The following LYRM4 variants were observed in gnomAD, a reference collection of about 807,000 sequenced individuals.
LYRM4 encodes the protein LYR motif containing 4.
Under a neutral mutation model 11.7 loss-of-function variants are expected in LYRM4, and 9 were observed. The observed-to-expected ratio is 0.77, with a 90% confidence interval of 0.46 to 1.34. LYRM4 has a LOEUF of 1.34. LYRM4 is among the 40% of genes most tolerant of loss of function. LYRM4 has a pLI of 0.00. For synonymous variants in LYRM4, 42 were observed against 40.4 expected, an observed-to-expected ratio of 1.04 and a Z score of -0.15; for missense variants, 133 against 112.5, an observed-to-expected ratio of 1.18 and a Z score of -0.82.
chr6:5,151,310 G>A lies in LYRM4; in HGVS notation c.208-41819C>T, dbSNP rs1013791328. ...ATGTTGGCCAGGATGGTCTCTATCT[G>A]TTGACCTCGTGATCTGCCTGCCTCA... On this transcript the variant is annotated intron_variant, in intron 2 of 2. Coordinates refer to ENST00000330636, the MANE Select transcript of LYRM4 (RefSeq NM_020408.6). Among the ~76,000 whole-genome samples, 4 of 152,094 alleles carry A rather than the reference G, an allele frequency of 2.6e-5. No homozygotes were observed. In the East Asian group the frequency reaches 5.8e-4, roughly 22 times the overall value.
intron 2 of LYRM4, among the ~76,000 whole-genome samples, chr6:5,167,903 A>G (rs1759182072): frequency 6.6e-6 from 1 of 151,664 alleles, no homozygotes; most frequent in Non-Finnish European, 1.5e-5. Flanking sequence ...ATCTTATACT[A>G]CCGGGAAAAG....
intron 1 of LYRM4, among the ~76,000 whole-genome samples, chr6:5,218,891 AAC>A (rs1465378802): frequency 6.6e-5 from 10 of 152,228 alleles, no homozygotes; most frequent in African/African-American, 2.4e-4. Context: ...CTATTTATAA[AAC>A]ACAGCATCAC....
At chr6:5,183,925 T>A (rs1760227352) in intron 2 of LYRM4, among the ~76,000 whole-genome samples, 1 of 152,274 alleles carries the variant, frequency 6.6e-6, no homozygotes, top group African/African-American at 2.4e-5. Flanking sequence ...GTTCTCACCA[T>A]AAACAAATGG....
intron 2 of LYRM4, among the ~76,000 whole-genome samples, chr6:5,158,529 T>A (rs1239472092): frequency 6.7e-6 from 1 of 149,372 alleles, no homozygotes; most frequent in Non-Finnish European, 1.5e-5. Flanking sequence ...CAGGCTGGAG[T>A]GCAGTGGTGC....
At position 5,158,569 on chromosome 6, in the gene LYRM4, T is replaced by C. The variant is rs547862207; in HGVS notation, c.208-49078A>G. Among the ~76,000 whole-genome samples, 18 of 151,926 alleles carry C rather than the reference T, an allele frequency of 1.2e-4. No individual in the cohort carries two copies. The South Asian group carries it at 3.5e-3, about 30-fold the overall frequency. ...ATAGCTTTCTGCAGCCTCAAACTCT[T>C]GGGCTTAAGCGATTCTCCCACTTCA... On this transcript the variant is annotated intron_variant, in intron 2 of 2. Coordinates refer to ENST00000330636, the MANE Select transcript of LYRM4 (RefSeq NM_020408.6).
chr6:5,138,116 G>A (rs1292183677), intron 2 of LYRM4, among the ~76,000 whole-genome samples: 1 of 152,138 alleles, frequency 6.6e-6, no homozygotes, highest in Non-Finnish European at 1.5e-5. Context: ...TAGACAAGGG[G>A]CACTGAGGAG....
intron 1 of LYRM4, among the ~76,000 whole-genome samples, chr6:5,221,313 C>T (rs1203743899): frequency 6.6e-6 from 1 of 152,232 alleles, no homozygotes; most frequent in Non-Finnish European, 1.5e-5. Flanking sequence ...CTAGTCCAGA[C>T]CTTCCTTCTG....
At chr6:5,049,628 A>G in the LYRM4 span, among the ~76,000 whole-genome samples, 1 of 152,126 alleles carries the variant, frequency 6.6e-6, no homozygotes, top group Non-Finnish European at 1.5e-5. Context: ...CTTGAGTGAG[A>G]AACTAAATTG....
At position 5,258,936 on chromosome 6, in the gene LYRM4, T is replaced by A. The variant is rs7748316; in HGVS notation, c.86+1712A>T. On this transcript the variant is annotated intron_variant, in intron 1 of 2. Coordinates refer to ENST00000330636, the MANE Select transcript of LYRM4 (RefSeq NM_020408.6). ...ATGATTTTCCTGTTCAGTTGGCAAT[T>A]ACTCATTTGAAAACGCTTGGGCCTC... 9.1e-3 allele frequency among the ~76,000 whole-genome samples: 1,389 copies of A among 152,332 alleles called. 16 individuals carry two copies. The highest frequency in any genetic ancestry group is 0.032 in the African/African-American group (1,321 of 41,564).
At chr6:5,256,455 C>A (rs6909619) in intron 1 of LYRM4, among the ~76,000 whole-genome samples, 26,351 of 105,224 alleles carry the variant, frequency 0.25, 5,512 homozygotes, top group African/African-American at 0.5. Context: ...GCACCATTGC[C>A]CTCCAGCCTG....
chr6:5,231,769 T>G (rs770925920), intron 1 of LYRM4, among the ~76,000 whole-genome samples: 2 of 152,208 alleles, frequency 1.3e-5, no homozygotes, highest in Non-Finnish European at 2.9e-5. Context: ...GGATAGTTAT[T>G]TTGATCGGAG....
the LYRM4 span, among the ~76,000 whole-genome samples, chr6:5,060,450 GT>G: frequency 6.6e-6 from 1 of 150,964 alleles, no homozygotes; most frequent in Admixed American, 6.6e-5. Context: ...CCCAGTGAAG[GT>G]TTTTTTTAGT....
At chr6:5,095,187 G>C in the LYRM4 span, among the ~76,000 whole-genome samples, 3,506 of 152,230 alleles carry the variant, frequency 0.023, 96 homozygotes, top group South Asian at 0.085. Flanking sequence ...CGGGGAGAGG[G>C]TGTGATTCTG....
At chr6:5,231,548 T>A (rs747790049) in intron 1 of LYRM4, among the ~76,000 whole-genome samples, 2 of 152,334 alleles carry the variant, frequency 1.3e-5, no homozygotes, top group Non-Finnish European at 2.9e-5. Flanking sequence ...AGTCTGTGAA[T>A]CACCTCCCTG....
At chr6:5,115,842 A>G (rs1316258720) in intron 2 of LYRM4, among the ~76,000 whole-genome samples, 1 of 152,220 alleles carries the variant, frequency 6.6e-6, no homozygotes, top group African/African-American at 2.4e-5. Context: ...AATGGTATTA[A>G]GAGGATACAG....
At chr6:5,143,089 G>A (rs952000910) in intron 2 of LYRM4, among the ~76,000 whole-genome samples, 3 of 152,250 alleles carry the variant, frequency 2.0e-5, no homozygotes, top group Non-Finnish European at 4.4e-5. Flanking sequence ...GCTGGTGGGA[G>A]ATCAGTGATG....
the LYRM4 span, among the ~76,000 whole-genome samples, chr6:5,049,267 C>T: frequency 2.6e-5 from 4 of 152,278 alleles, no homozygotes; most frequent in Non-Finnish European, 4.4e-5. Context: ...CTACCACCAC[C>T]CAAATTGAGA....
At chr6:5,118,094 A>ATATATATATATATATATATATATTTTTTT in intron 2 of LYRM4, among the ~76,000 whole-genome samples, 1 of 86,114 alleles carries the variant, frequency 1.2e-5, no homozygotes, top group African/African-American at 3.9e-5. Context: ...ATATATATAT[A>ATATATATATATATATATATATATTTTTTT]TTTTTGTTTT....
chr6:5,133,888 T>A lies in LYRM4; in HGVS notation c.208-24397A>T, dbSNP rs76871932. On this transcript the variant is annotated intron_variant, in intron 2 of 2. Coordinates refer to ENST00000330636, the MANE Select transcript of LYRM4 (RefSeq NM_020408.6). ...GCTTTTGTGTCAGGCTTCTTTCATT[T>A]ACCGCAGTGTTTTCAAGGTTCATCC... 4.4e-3 allele frequency among the ~76,000 whole-genome samples: 669 copies of A among 152,340 alleles called. 6 individuals are homozygous for A. Among genetic ancestry groups the A allele is most frequent in the African/African-American group, 0.015 (643 of 41,576 alleles).
Sources: allele counts gnomAD v4.1 joint callset (sites outside exome capture counted in the v4.1 genomes callset), GRCh38; gene constraint gnomAD v4.1.1; transcripts MANE v1.5; gene names NCBI Gene and HGNC (gene_info 2026-07-23, HGNC 2026-07-21).